Variants in CARMIL1 observed in about 807,000 individuals in gnomAD.
The protein encoded by CARMIL1 is capping protein regulator and myosin 1 linker 1.
A neutral mutation model predicts 177.1 loss-of-function variants in CARMIL1; 90 were observed. That is an observed-to-expected ratio of 0.51 (90% confidence interval 0.43 to 0.61). CARMIL1 has a LOEUF of 0.61. CARMIL1 is among the 20% of genes least tolerant of loss of function. The probability of loss-of-function intolerance (pLI) is 0.00; values close to 1 mark genes in which losing one functional copy is unlikely to be tolerated. For synonymous variants in CARMIL1, 577 were observed against 606.2 expected (o/e 0.95, Z 0.71); for missense variants, 1,380 against 1,667.0 (o/e 0.83, Z 3.00).
chr6:25,465,736 G>A (rs911147669), intron 8 of CARMIL1, 137 bp from the exon 9 acceptor site: 2 of 651,150 alleles, frequency 3.1e-6, no homozygotes, highest in East Asian at 2.6e-5. Flanking sequence ...CTTAGTTGTT[G>A]TCTAGTGGCC....
intron 2 of CARMIL1, among the ~76,000 whole-genome samples, chr6:25,408,174 G>C (rs1420984948): frequency 6.6e-6 from 1 of 151,502 alleles, no homozygotes; most frequent in Non-Finnish European, 1.5e-5. Context: ...GCCTGTAGTA[G>C]CTACTTGAAA....
intron 17 of CARMIL1, chr6:25,507,594 G>A (rs1192072996): frequency 6.6e-6 from 1 of 152,490 alleles, no homozygotes; most frequent in African/African-American, 2.4e-5. Flanking sequence ...TCAGTAAGGA[G>A]TATGTATAAA....
chr6:25,459,266 C>CTTTCT, intron 8 of CARMIL1, among the ~76,000 whole-genome samples: 3 of 73,766 alleles, frequency 4.1e-5, no homozygotes, highest in Non-Finnish European at 5.9e-5. Context: ...TTCTTTCTTT[C>CTTTCT]TTTTTTTTTT....
chr6:25,338,483 C>T lies in CARMIL1; in HGVS notation c.138+53574C>T, dbSNP rs768162082. ...TTTTCTGTGCATAAGATGGAAATAG[C>T]ATGCAGATTATACCACAGATTGTCC... On this transcript the variant is annotated intron_variant, in intron 2 of 36. Transcript: ENST00000329474. Among the ~76,000 whole-genome samples the T allele has an allele frequency of 2.2e-4, 33 of 151,796 alleles. No homozygotes were observed. In the Middle Eastern group the frequency reaches 0.014, roughly 63 times the overall value.
chr6:25,414,479 ACT>A (rs1795198211), intron 2 of CARMIL1, among the ~76,000 whole-genome samples: 1 of 152,042 alleles, frequency 6.6e-6, no homozygotes, highest in Non-Finnish European at 1.5e-5. Flanking sequence ...ACTGCCCCTG[ACT>A]CTGCTAGAAA....
chr6:25,567,200 T>C (rs1305769267), intron 29 of CARMIL1, among the ~76,000 whole-genome samples: 1 of 152,228 alleles, frequency 6.6e-6, no homozygotes, highest in Non-Finnish European at 1.5e-5. Context: ...CTGGCCTGAA[T>C]CCCAGGAAAC....
chr6:25,586,638 A>G (rs1449743068), intron 31 of CARMIL1, among the ~76,000 whole-genome samples: 1 of 152,000 alleles, frequency 6.6e-6, no homozygotes, highest in Non-Finnish European at 1.5e-5. Flanking sequence ...AGCCGAGATC[A>G]CGCCACTGCA....
intron 2 of CARMIL1, among the ~76,000 whole-genome samples, chr6:25,305,081 C>A (rs1783156742): frequency 6.6e-6 from 1 of 152,178 alleles, no homozygotes; most frequent in African/African-American, 2.4e-5. Context: ...CTGAATATAA[C>A]TGTGAGAAGA....
chr6:25,471,192 C>T lies in CARMIL1; in HGVS notation c.714C>T (p.Ile238=). The change falls in exon 10 of 37, where the codon ATC becomes ATT. Residue 238 remains isoleucine, a synonymous_variant. Coordinates refer to ENST00000329474, the MANE Select transcript of CARMIL1 (RefSeq NM_017640.6). The part of the protein sequence containing the change: ...LKLSTDVCEQ[I]LRVVSRSNRL... The stretch of plus-strand genomic sequence containing the variant: ...AGTCCACTGATGTCTGTGAACAGAT[C>T]TTGAGGGTGGTGAGTAGGTCCAATC... The T allele has an allele frequency of 6.2e-7, 1 of 1,612,670 alleles. No homozygotes were observed. Among genetic ancestry groups the T allele is most frequent in the South Asian group, 1.1e-5 (1 of 90,926 alleles).
intron 2 of CARMIL1, among the ~76,000 whole-genome samples, chr6:25,317,094 A>G (rs959288336): frequency 6.6e-6 from 1 of 152,176 alleles, no homozygotes; most frequent in Non-Finnish European, 1.5e-5. Context: ...GCTCAGTTCC[A>G]TGGGAGAAGT....
rs753787276 is a variant in CARMIL1, at chr6:25,279,752, A to T, written c.-44A>T. The T allele has an allele frequency of 6.2e-7, 1 of 1,603,408 alleles. No individual in the cohort carries two copies. The highest frequency in any genetic ancestry group is 1.3e-5 in the African/African-American group (1 of 74,650). Reference sequence around the variant, plus strand: ...TTCGGGGAAGGGCAGGGGGCCATAAATCAGAGTTGGACCTGCAATAACCCC... The same window carrying T: ...TTCGGGGAAGGGCAGGGGGCCATAATTCAGAGTTGGACCTGCAATAACCCC... On this transcript the variant is annotated 5_prime_UTR_variant, in exon 1 of 37. Transcript: ENST00000329474.
intron 11 of CARMIL1, among the ~76,000 whole-genome samples, chr6:25,475,382 G>C (rs1396500271): frequency 2.0e-5 from 3 of 150,028 alleles, no homozygotes; most frequent in Non-Finnish European, 4.4e-5. Context: ...GCCTGGGTGA[G>C]AGAGTGAGAC....
intron 2 of CARMIL1, among the ~76,000 whole-genome samples, chr6:25,403,624 A>G (rs1047557802): frequency 1.3e-5 from 2 of 151,750 alleles, no homozygotes; most frequent in Non-Finnish European, 2.9e-5. Flanking sequence ...TGCGTTTGCT[A>G]TTCCCTCTGT....
intron 29 of CARMIL1, among the ~76,000 whole-genome samples, chr6:25,560,748 A>G (rs1811037307): frequency 6.6e-6 from 1 of 152,202 alleles, no homozygotes; most frequent in Non-Finnish European, 1.5e-5. Flanking sequence ...TAAAATTTGC[A>G]TTCAATTTAG....
chr6:25,537,773 A>T, intron 24 of CARMIL1, 82 bp from the exon 25 acceptor site: 1 of 1,525,958 alleles, frequency 6.6e-7, no homozygotes, highest in Non-Finnish European at 8.8e-7. Context: ...AGTTTTTTTC[A>T]TACTCCTTCG....
chr6:25,282,331 G>T (rs1273767452), intron 1 of CARMIL1, among the ~76,000 whole-genome samples: 1 of 152,014 alleles, frequency 6.6e-6, no homozygotes, highest in Admixed American at 6.6e-5. Context: ...AGGGAGGAGT[G>T]GCCTGTGCTT....
chr6:25,365,563 T>C (rs1581696934), intron 2 of CARMIL1, among the ~76,000 whole-genome samples: 1 of 152,316 alleles, frequency 6.6e-6, no homozygotes, highest in East Asian at 1.9e-4. Flanking sequence ...TTTATTTATT[T>C]ATTTTTTTAA....
At chr6:25,466,620 T>G (rs1800620283) in intron 9 of CARMIL1, among the ~76,000 whole-genome samples, 1 of 152,270 alleles carries the variant, frequency 6.6e-6, no homozygotes, top group East Asian at 1.9e-4. Context: ...TCCTGGAGAC[T>G]CTCACGTTTA....
intron 2 of CARMIL1, among the ~76,000 whole-genome samples, chr6:25,304,669 A>G (rs1783127263): frequency 6.6e-6 from 1 of 152,208 alleles, no homozygotes; most frequent in African/African-American, 2.4e-5. Flanking sequence ...CAGGCCACAG[A>G]CTGGTACTGG....
Sources: gnomAD v4.1 joint callset for allele counts (sites outside exome capture counted in the v4.1 genomes callset) on GRCh38, gnomAD v4.1.1 for gene constraint, MANE v1.5 for transcripts, NCBI Gene and HGNC (gene_info 2026-07-23, HGNC 2026-07-21) for gene names.